Variants in NPTN observed in about 807,000 individuals in gnomAD.
NPTN encodes SDR-1.
Under a neutral mutation model 42.7 loss-of-function variants are expected in NPTN, and 5 were observed. The observed-to-expected ratio is 0.12, with a 90% CI of 0.06 to 0.25. The LOEUF (loss-of-function observed/expected upper bound fraction) is 0.25, where lower values mean the gene tolerates loss of function less well. Ranked by LOEUF, NPTN falls within the 10% of genes least tolerant of loss-of-function variation. The pLI, the probability that NPTN is intolerant of heterozygous loss-of-function variation, is 1.00. For synonymous variants in NPTN, 180 were observed against 201.9 expected (o/e 0.89, Z 0.92); for missense variants, 307 against 525.4 (o/e 0.58, Z 4.06).
chr15:73,614,850 A>G (rs1044441026), intron 1 of NPTN, among the ~76,000 whole-genome samples: 3 of 152,228 alleles, frequency 2.0e-5, no homozygotes, highest in Non-Finnish European at 4.4e-5. Flanking sequence ...TAATATCAAC[A>G]GAATCATATT....
Position 73,633,241 on chromosome 15 carries a change from G to C in NPTN, c.-26C>G, listed in dbSNP as rs369418935. Reference sequence around the variant, plus strand: ...CCTCCCTAGCAGAAGACCCAACAGCGAATGGGCCGGGGCCAGAGCCGGGGC... The same window carrying C: ...CCTCCCTAGCAGAAGACCCAACAGCCAATGGGCCGGGGCCAGAGCCGGGGC... On this transcript the variant is annotated 5_prime_UTR_variant, in exon 1 of 9. Coordinates refer to ENST00000345330, the MANE Select transcript of NPTN (RefSeq NM_012428.4). 9.2e-5 allele frequency: 129 copies of C among 1,400,044 alleles called. No individual in the cohort carries two copies. In the African/African-American group the frequency reaches 1.9e-3, roughly 21 times the overall value. The allele number at this position is 1,400,044 out of a possible 1,614,324, so 86.7% of individuals were successfully genotyped here.
At chr15:73,600,931 A>T (rs1183418551) in intron 1 of NPTN, among the ~76,000 whole-genome samples, 1 of 152,170 alleles carries the variant, frequency 6.6e-6, no homozygotes, top group Non-Finnish European at 1.5e-5. Context: ...CCTGCTCTGG[A>T]GAAGGCTGGC....
chr15:73,567,761 G>A (rs988124793), intron 6 of NPTN: 3 of 985,348 alleles, frequency 3.0e-6, no homozygotes, highest in Admixed American at 6.2e-5. Flanking sequence ...AGGGCAGGGT[G>A]TGAAGATGGA....
At chr15:73,593,961 G>A (rs1453452753) in intron 2 of NPTN, among the ~76,000 whole-genome samples, 1 of 152,088 alleles carries the variant, frequency 6.6e-6, no homozygotes, top group Non-Finnish European at 1.5e-5. Flanking sequence ...AAGTCGAGCA[G>A]AACGGCTGCA....
chr15:73,608,823 G>A (rs1054142590), intron 1 of NPTN, among the ~76,000 whole-genome samples: 1 of 152,188 alleles, frequency 6.6e-6, no homozygotes, highest in African/African-American at 2.4e-5. Flanking sequence ...TTACAAGATA[G>A]AATCAAATGA....
At chr15:73,574,174 T>C (rs911166749) in intron 4 of NPTN, among the ~76,000 whole-genome samples, 5 of 152,226 alleles carry the variant, frequency 3.3e-5, no homozygotes, top group African/African-American at 1.2e-4. Flanking sequence ...AACACCTGCA[T>C]GAACAACAGT....
intron 4 of NPTN, among the ~76,000 whole-genome samples, chr15:73,576,117 A>G (rs1352034055): frequency 6.6e-6 from 1 of 152,150 alleles, no homozygotes; most frequent in Non-Finnish European, 1.5e-5. Flanking sequence ...CAGGCTCCAT[A>G]GCCACACAGG....
At chr15:73,580,828 G>C (rs190562757) in intron 4 of NPTN, among the ~76,000 whole-genome samples, 2 of 151,978 alleles carry the variant, frequency 1.3e-5, no homozygotes, top group East Asian at 3.9e-4. Context: ...GTAAAGAGCA[G>C]AGCTTCAGAC....
intron 1 of NPTN, among the ~76,000 whole-genome samples, chr15:73,619,607 T>C (rs538762653): frequency 6.6e-6 from 1 of 152,238 alleles, no homozygotes; most frequent in South Asian, 2.1e-4. Flanking sequence ...CCAAGGAGGG[T>C]GATCTACTGA....
In NPTN at chr15:73,597,762, T is replaced by A. The variant is rs1198841390; in HGVS notation, c.92-393A>T. On this transcript the variant is annotated intron_variant, in intron 1 of 8. Coordinates refer to ENST00000345330, the MANE Select transcript of NPTN (RefSeq NM_012428.4). The surrounding 1 kb of genome is among the most constrained non-coding windows in gnomAD (Gnocchi z 6.3). ...TACCTTTTTAAACTCAGGCAAGTGA[T>A]GAAAGATAACCAGAAGAGGCAGTAG... Among the ~76,000 whole-genome samples, 1 of 152,192 alleles carries A rather than the reference T, an allele frequency of 6.6e-6. No homozygotes were observed. Among genetic ancestry groups the A allele is most frequent in the Non-Finnish European group, 1.5e-5 (1 of 68,022 alleles).
chr15:73,602,519 G>A (rs531569183), intron 1 of NPTN, among the ~76,000 whole-genome samples: 9 of 152,296 alleles, frequency 5.9e-5, no homozygotes, highest in Non-Finnish European at 1.3e-4. Context: ...AATGTCTAAA[G>A]GACCCTTAAC....
intron 1 of NPTN, among the ~76,000 whole-genome samples, chr15:73,623,334 T>C (rs183317132): frequency 2.6e-5 from 4 of 152,366 alleles, no homozygotes; most frequent in African/African-American, 9.6e-5. Flanking sequence ...TCTACCATTT[T>C]ACTTGGATTC....
chr15:73,598,748 A>G (rs1896943416), intron 1 of NPTN, among the ~76,000 whole-genome samples: 1 of 152,196 alleles, frequency 6.6e-6, no homozygotes, highest in Non-Finnish European at 1.5e-5. Context: ...CCAACATCAA[A>G]TTAAGAACAT....
chr15:73,627,747 A>C (rs1281420146), intron 1 of NPTN, among the ~76,000 whole-genome samples: 2 of 152,234 alleles, frequency 1.3e-5, no homozygotes, highest in Non-Finnish European at 2.9e-5. Flanking sequence ...GAAATTAAAT[A>C]CAAATTTTGA....
chr15:73,574,633 G>T (rs567102352), intron 4 of NPTN, among the ~76,000 whole-genome samples: 65 of 152,306 alleles, frequency 4.3e-4, no homozygotes, highest in Admixed American at 1.5e-3. Flanking sequence ...GGCTGGTCCT[G>T]AACTCCTGAC....
At chr15:73,590,545 T>G (rs1168620090) in intron 3 of NPTN, among the ~76,000 whole-genome samples, 1 of 150,930 alleles carries the variant, frequency 6.6e-6, no homozygotes, top group Non-Finnish European at 1.5e-5. Context: ...GGAGACTGCT[T>G]GCACTCAGGA....
chr15:73,628,106 T>C (rs543350546), intron 1 of NPTN, among the ~76,000 whole-genome samples: 4 of 152,348 alleles, frequency 2.6e-5, no homozygotes, highest in East Asian at 1.9e-4. Context: ...TAAAAATTTG[T>C]ATAAAATGAT....
intron 1 of NPTN, among the ~76,000 whole-genome samples, chr15:73,602,684 G>A (rs549051935): frequency 1.3e-5 from 2 of 152,296 alleles, no homozygotes; most frequent in Admixed American, 1.3e-4. Context: ...TACTGACCAA[G>A]GGTAAGGCAG....
chr15:73,613,062 C>T (rs1276037688), intron 1 of NPTN, among the ~76,000 whole-genome samples: 2 of 152,208 alleles, frequency 1.3e-5, no homozygotes, highest in South Asian at 2.1e-4. Flanking sequence ...ACTCAACTTA[C>T]AGGGAACCTG....
Sources: allele counts gnomAD v4.1 joint callset (sites outside exome capture counted in the v4.1 genomes callset), GRCh38; gene constraint gnomAD v4.1.1; non-coding constraint Gnocchi (gnomAD v3.1); transcripts MANE v1.5; gene names NCBI Gene and HGNC (gene_info 2026-07-23, HGNC 2026-07-21).